The following TBC1D2B variants were observed in gnomAD, a reference collection of about 807,000 sequenced individuals.
The protein encoded by TBC1D2B is TBC1 domain family, member 2B.
Under a neutral mutation model 100.8 loss-of-function variants are expected in TBC1D2B, and 64 were observed. The ratio of observed to expected loss-of-function variants is 0.64; its 90% CI spans 0.52 to 0.78. The LOEUF is 0.78. TBC1D2B is among the 30% of genes least tolerant of loss of function. TBC1D2B has a pLI of 0.00. For missense variants in TBC1D2B, 1,052 were observed against 1,218.4 expected, an observed-to-expected ratio of 0.86 and a Z score of 2.03; for synonymous variants, 480 against 479.7, an observed-to-expected ratio of 1.00 and a Z score of -0.01.
At chr15:78,006,536 G>C (rs995586442) in intron 10 of TBC1D2B, among the ~76,000 whole-genome samples, 6 of 152,356 alleles carry the variant, frequency 3.9e-5, no homozygotes, top group African/African-American at 1.4e-4. Flanking sequence ...GGGAAGGTGA[G>C]AGCTCCAGCT....
At position 78,016,679 on chromosome 15, in the gene TBC1D2B, C is replaced by T; in HGVS notation, c.1642G>A (p.Glu548Lys). The T allele has an allele frequency of 6.2e-7, 1 of 1,605,280 alleles. No individual in the cohort carries two copies. The highest frequency in any genetic ancestry group is 8.5e-7 in the Non-Finnish European group (1 of 1,176,790). ...TCTGAGCACACTGGTGTCTTCATTT[C>T]TTGGAGCAATATCAGGTATTTACTT... ...IESKYLILLQ[E>K]MKTPVCSEDQ... is the part of the protein sequence containing the mutation. Residue 548 changes from glutamate (E) to lysine (K), a missense_variant, in exon 8 of 13, where the codon GAA becomes AAA. Physicochemically the swap from Glu to Lys is moderately conservative, Grantham distance 56. Transcript: ENST00000300584.
chr15:78,025,108 G>A (rs150826363), intron 5 of TBC1D2B, 151 bp downstream of exon 5: 4 of 649,556 alleles, frequency 6.2e-6, no homozygotes, highest in East Asian at 2.7e-5. Flanking sequence ...CTAGATGACC[G>A]CCATGGCAAT....
At chr15:78,071,923 C>T (rs117843970) in intron 1 of TBC1D2B, among the ~76,000 whole-genome samples, 3,235 of 152,306 alleles carry the variant, frequency 0.021, 48 homozygotes, top group Middle Eastern at 0.054. Context: ...CAATTTGGTT[C>T]CTGGCGGGGG....
At chr15:78,033,421 G>T (rs1000407051) in intron 3 of TBC1D2B, among the ~76,000 whole-genome samples, 1 of 152,204 alleles carries the variant, frequency 6.6e-6, no homozygotes, top group Non-Finnish European at 1.5e-5. Context: ...TAAGGAGTAT[G>T]ATTCCATTTA....
intron 11 of TBC1D2B, chr15:78,003,084 A>G: frequency 2.1e-6 from 1 of 485,460 alleles, no homozygotes; most frequent in South Asian, 2.6e-5. Context: ...CCCAGCGCCT[A>G]TCACAGGGCT....
rs541766828 is a variant in TBC1D2B, at chr15:78,077,285, G to T, written c.360+8C>A. ...GCGCGCGGGCGGCTTTGGGGCGAGC[G>T]GTCCCACCTTGAGCACCGTGACGGC... On this transcript the variant is annotated splice_region_variant and intron_variant, in intron 1 of 12. Transcript: ENST00000300584. The T allele has an allele frequency of 8.3e-4, 1,221 of 1,462,394 alleles. 11 individuals are homozygous for T. The highest frequency in any genetic ancestry group is 1.6e-4 in the Non-Finnish European group (181 of 1,109,754). 90.6% of individuals were successfully genotyped at this position (1,462,394 alleles called of 1,614,324 possible).
intron 1 of TBC1D2B, among the ~76,000 whole-genome samples, chr15:78,062,471 C>T (rs1410677289): frequency 6.6e-6 from 1 of 152,132 alleles, no homozygotes; most frequent in African/African-American, 2.4e-5. Flanking sequence ...TAAAAAACAA[C>T]AACATATTTT....
At chr15:78,063,573 A>G (rs2073593266) in intron 1 of TBC1D2B, among the ~76,000 whole-genome samples, 1 of 152,338 alleles carries the variant, frequency 6.6e-6, no homozygotes, top group African/African-American at 2.4e-5. Context: ...TCCTCTGGAC[A>G]TTAAATCTAG....
In TBC1D2B at chr15:78,077,501, C is replaced by T; in HGVS notation, c.152G>A (p.Arg51His). ...CACGAACCAGCGGCTGCGGTAGCCA[C>T]GCAGGGGGCCCTTGCCCGACAGCTT... ...LQKLSGKGPL[R>H]GYRSRWFVFD... The change falls in exon 1 of 13, where the codon CGT becomes CAT. Residue 51 changes from arginine to histidine, a missense_variant. By Grantham distance (29) the Arg-to-His change is conservative (BLOSUM62 0). Around this residue, in one of 4 missense-constraint regions of TBC1D2B, gnomAD observed 627 missense variants for 646.1 expected, o/e 0.97. Coordinates refer to ENST00000300584, the MANE Select transcript of TBC1D2B (RefSeq NM_144572.2). The T allele has an allele frequency of 1.3e-6, 2 of 1,531,568 alleles. No homozygotes were observed. The highest frequency in any genetic ancestry group is 1.7e-4 in the Middle Eastern group (1 of 5,752). The allele number at this position is 1,531,568 out of a possible 1,614,324, so 94.9% of individuals were successfully genotyped here.
Position 78,077,470 on chromosome 15 carries a change from G to A in TBC1D2B, c.183C>T (p.Asp61=), listed in dbSNP as rs1417737220. 1.1e-5 allele frequency: 17 copies of A among 1,537,276 alleles called. No individual in the cohort carries two copies. The highest frequency in any genetic ancestry group is 2.0e-5 in the Admixed American group (1 of 50,094). The part of the protein sequence containing the change: ...RGYRSRWFVF[D]ARRCYLYYFK... ...AATAGTAAAGGTAGCAGCGGCGCGC[G>A]TCGAACACGAACCAGCGGCTGCGGT... is the stretch of plus-strand genomic sequence containing the variant. Residue 61 remains aspartate, a synonymous_variant, in exon 1 of 13, where the codon GAC becomes GAT. Coordinates refer to ENST00000300584, the MANE Select transcript of TBC1D2B (RefSeq NM_144572.2).
chr15:78,026,474 T>TG (rs2072672487), intron 4 of TBC1D2B, among the ~76,000 whole-genome samples: 1 of 152,238 alleles, frequency 6.6e-6, no homozygotes. Flanking sequence ...GCCAGTGCCA[T>TG]GCTTTTGGAC....
chr15:78,004,965 CAGG>C (rs1197088387), intron 10 of TBC1D2B, among the ~76,000 whole-genome samples: 3 of 152,336 alleles, frequency 2.0e-5, no homozygotes, highest in African/African-American at 7.2e-5. Flanking sequence ...AGCTGCCTTT[CAGG>C]AGCTGTAAAG....
intron 4 of TBC1D2B, among the ~76,000 whole-genome samples, chr15:78,029,213 C>T (rs182525504): frequency 6.6e-6 from 1 of 152,040 alleles, no homozygotes; most frequent in South Asian, 2.1e-4. Flanking sequence ...CCCCCCACCA[C>T]GCCCAGCTAA....
chr15:78,003,543 A>AAGCAGACG, intron 10 of TBC1D2B, 53 bp from the exon 11 acceptor site: 1 of 1,472,070 alleles, frequency 6.8e-7, no homozygotes, highest in Non-Finnish European at 9.4e-7. Context: ...GTCACCGGGT[A>AAGCAGACG]AGCAGACGAG....
chr15:78,033,101 AT>A (rs1439123911), intron 3 of TBC1D2B, among the ~76,000 whole-genome samples: 1 of 152,236 alleles, frequency 6.6e-6, no homozygotes, highest in African/African-American at 2.4e-5. Context: ...AGTTTTAAGT[AT>A]AACCCTAATT....
chr15:78,058,106 C>A (rs966592890), intron 1 of TBC1D2B, among the ~76,000 whole-genome samples: 1 of 152,084 alleles, frequency 6.6e-6, no homozygotes, highest in African/African-American at 2.4e-5. Flanking sequence ...TGAATAAATA[C>A]GATAGTATTA....
chr15:78,052,020 T>G (rs745337755), intron 2 of TBC1D2B, among the ~76,000 whole-genome samples: 1 of 152,164 alleles, frequency 6.6e-6, no homozygotes, highest in Non-Finnish European at 1.5e-5. Flanking sequence ...TCAAAGGCAC[T>G]CCACTGCTCT....
intron 9 of TBC1D2B, 143 bp downstream of exon 9, chr15:78,012,680 G>C (rs779537633): frequency 1.4e-5 from 12 of 829,878 alleles, no homozygotes; most frequent in Non-Finnish European, 2.0e-5. Context: ...ATTGTGTAAT[G>C]AAAACTGGCT....
At chr15:78,026,565 T>C (rs1221739606) in intron 4 of TBC1D2B, among the ~76,000 whole-genome samples, 3 of 152,210 alleles carry the variant, frequency 2.0e-5, no homozygotes, top group Non-Finnish European at 2.9e-5. Flanking sequence ...TTTAACAGTA[T>C]AAAACAAACT....
Sources: gnomAD v4.1 joint callset for allele counts (sites outside exome capture counted in the v4.1 genomes callset) on GRCh38, gnomAD v4.1.1 for gene constraint, gnomAD v4.1.1 regional missense constraint, MANE v1.5 for transcripts, NCBI Gene and HGNC (gene_info 2026-07-23, HGNC 2026-07-21) for gene names.